Variants in LRMDA observed in about 807,000 individuals in gnomAD.
LRMDA encodes the protein leucine rich melanocyte differentiation associated.
A neutral mutation model predicts 29.8 loss-of-function variants in LRMDA; 18 were observed. The ratio of observed to expected loss-of-function variants is 0.60; its 90% CI spans 0.42 to 0.90. The LOEUF (loss-of-function observed/expected upper bound fraction) is 0.90. LRMDA is among the 40% of genes least tolerant of loss of function. The pLI, the probability that LRMDA is intolerant of heterozygous loss-of-function variation, is 0.00. For synonymous variants in LRMDA, 125 were observed against 109.4 expected, an observed-to-expected ratio of 1.14 and a Z score of -0.89; for missense variants, 273 against 273.9, an observed-to-expected ratio of 1.00 and a Z score of 0.02.
chr10:76,021,124 T>G (rs907803758), intron 2 of LRMDA, among the ~76,000 whole-genome samples: 2 of 152,226 alleles, frequency 1.3e-5, no homozygotes, highest in Non-Finnish European at 2.9e-5. Context: ...CCTGGGACAG[T>G]TGGACAATAG....
At chr10:76,551,742 A>G (rs1589234585) in intron 6 of LRMDA, among the ~76,000 whole-genome samples, 1 of 152,184 alleles carries the variant, frequency 6.6e-6, no homozygotes, top group African/African-American at 2.4e-5. Context: ...AGGGGATGAC[A>G]CATTTATGGA....
chr10:76,148,852 T>C (rs184732523), intron 5 of LRMDA, among the ~76,000 whole-genome samples: 70 of 152,316 alleles, frequency 4.6e-4, no homozygotes, highest in African/African-American at 1.6e-3. Flanking sequence ...TTATCTTTAC[T>C]GTTGCTTATT....
chr10:75,596,706 C>G (rs979782421), intron 2 of LRMDA, among the ~76,000 whole-genome samples: 1 of 152,198 alleles, frequency 6.6e-6, no homozygotes, highest in Non-Finnish European at 1.5e-5. Flanking sequence ...CGTCCTCCTT[C>G]TAGCTATTTG....
intron 2 of LRMDA, among the ~76,000 whole-genome samples, chr10:75,741,641 T>C (rs1842831070): frequency 6.6e-6 from 1 of 152,188 alleles, no homozygotes; most frequent in Non-Finnish European, 1.5e-5. Context: ...GTGACGTTTA[T>C]GCTGTGGATT....
At chr10:76,273,323 G>A (rs1840090602) in intron 5 of LRMDA, among the ~76,000 whole-genome samples, 1 of 152,052 alleles carries the variant, frequency 6.6e-6, no homozygotes, top group South Asian at 2.1e-4. Context: ...TAAATATTTA[G>A]GGTATTTACA....
chr10:75,930,263 A>G (rs897103413), intron 2 of LRMDA, among the ~76,000 whole-genome samples: 6 of 152,284 alleles, frequency 3.9e-5, no homozygotes, highest in Admixed American at 6.5e-5. Flanking sequence ...TTTACCAACT[A>G]AAATGAGAAT....
intron 2 of LRMDA, among the ~76,000 whole-genome samples, chr10:75,540,596 T>C (rs1840004827): frequency 6.6e-6 from 1 of 152,208 alleles, no homozygotes; most frequent in Non-Finnish European, 1.5e-5. Flanking sequence ...TGGATGCCAA[T>C]ATAGGTAAAG....
At chr10:76,467,282 G>A (rs1026458391) in intron 6 of LRMDA, among the ~76,000 whole-genome samples, 1 of 152,144 alleles carries the variant, frequency 6.6e-6, no homozygotes, top group South Asian at 2.1e-4. Context: ...ACTATTGGCC[G>A]AAACTGAGTA....
At chr10:76,085,170 A>C (rs1323751657) in intron 5 of LRMDA, among the ~76,000 whole-genome samples, 3 of 152,206 alleles carry the variant, frequency 2.0e-5, no homozygotes, top group Admixed American at 1.3e-4. Context: ...AAACCCCACC[A>C]ATGACAGAGA....
chr10:75,462,867 T>C (rs575934111), intron 2 of LRMDA, among the ~76,000 whole-genome samples: 2 of 152,334 alleles, frequency 1.3e-5, no homozygotes, highest in Admixed American at 6.5e-5. Flanking sequence ...ATATTGAAAT[T>C]GTTCCACTCC....
At chr10:75,686,274 G>C (rs1434166133) in intron 2 of LRMDA, among the ~76,000 whole-genome samples, 1 of 152,180 alleles carries the variant, frequency 6.6e-6, no homozygotes, top group African/African-American at 2.4e-5. Context: ...GAGCTGGGTG[G>C]TGAGGCCGGG....
intron 6 of LRMDA, among the ~76,000 whole-genome samples, chr10:76,497,633 A>G (rs530905203): frequency 2.6e-5 from 2 of 75,694 alleles, no homozygotes; most frequent in South Asian, 7.0e-4. Flanking sequence ...CCAAGTTTAT[A>G]TCTTGAAATT....
intron 5 of LRMDA, among the ~76,000 whole-genome samples, chr10:76,155,936 C>G (rs2132171209): frequency 6.6e-6 from 1 of 152,252 alleles, no homozygotes; most frequent in Non-Finnish European, 1.5e-5. Context: ...ATTATAGCAA[C>G]TCAAGGTCTA....
chr10:75,879,924 A>G (rs964398232), intron 2 of LRMDA, among the ~76,000 whole-genome samples: 11 of 152,170 alleles, frequency 7.2e-5, no homozygotes, highest in Middle Eastern at 3.2e-3. Flanking sequence ...TTTGCCATTC[A>G]TGCTTATAAT....
chr10:75,618,948 A>AATTTTTT (rs898674099), intron 2 of LRMDA, among the ~76,000 whole-genome samples: 3 of 151,760 alleles, frequency 2.0e-5, no homozygotes, highest in African/African-American at 7.3e-5. Context: ...ACTCCTGGCT[A>AATTTTTT]ATTTTTTATT....
chr10:75,443,762 G>A (rs779315717), intron 2 of LRMDA, among the ~76,000 whole-genome samples: 2 of 152,216 alleles, frequency 1.3e-5, no homozygotes, highest in Non-Finnish European at 2.9e-5. Context: ...GAGAAGGATT[G>A]ATGTTAATTC....
intron 2 of LRMDA, among the ~76,000 whole-genome samples, chr10:75,863,580 C>A (rs185370780): frequency 2.0e-4 from 31 of 152,270 alleles, no homozygotes; most frequent in Admixed American, 1.3e-3. Flanking sequence ...AGTTTCCTCA[C>A]CTGTAAAATG....
chr10:75,636,465 A>T (rs1190096908), intron 2 of LRMDA, among the ~76,000 whole-genome samples: 2 of 152,262 alleles, frequency 1.3e-5, no homozygotes, highest in African/African-American at 4.8e-5. Context: ...GGTACATGCT[A>T]AGCTCTCAGT....
intron 6 of LRMDA, among the ~76,000 whole-genome samples, chr10:76,338,846 A>G (rs1023851875): frequency 6.6e-6 from 1 of 152,244 alleles, no homozygotes; most frequent in Non-Finnish European, 1.5e-5. Flanking sequence ...AATATTAGAC[A>G]AAATAAGACT....
Sources: gnomAD v4.1 joint callset for allele counts (sites outside exome capture counted in the v4.1 genomes callset) on GRCh38, gnomAD v4.1.1 for gene constraint, MANE v1.5 for transcripts, NCBI Gene and HGNC (gene_info 2026-07-23, HGNC 2026-07-21) for gene names.